The following VSX2 variants were observed in gnomAD, a reference collection of about 807,000 sequenced individuals.
VSX2 encodes visual system homeobox 2, also known as ceh-10 homeo domain containing homolog.
A neutral mutation model predicts 32.1 loss-of-function variants in VSX2; 28 were observed. The observed-to-expected ratio is 0.87, with a 90% CI of 0.65 to 1.20. The LOEUF (loss-of-function observed/expected upper bound fraction) is 1.20, where lower values mean the gene tolerates loss of function less well. VSX2 is among the 50% of genes most tolerant of loss of function. VSX2 has a pLI of 0.00. For synonymous variants in VSX2, 243 were observed against 214.1 expected, an observed-to-expected ratio of 1.14 and a Z score of -1.18; for missense variants, 506 against 488.7, an observed-to-expected ratio of 1.04 and a Z score of -0.33.
chr14:74,261,266 C>G lies in VSX2; in HGVS notation c.*347C>G. ...TCTTGCTTTAAAGAGTCCTCCTTCC[C>G]AGCTCTACATTCTGCTCTGCCCATG... is the stretch of plus-strand genomic sequence containing the variant. On this transcript the variant is annotated 3_prime_UTR_variant, in exon 5 of 5. Transcript: ENST00000261980. 3.1e-6 allele frequency: 1 copy of G among 323,820 alleles called. No homozygotes were observed. The highest frequency in any genetic ancestry group is 5.8e-6 in the Non-Finnish European group (1 of 171,964). 20.1% of individuals were successfully genotyped at this position (323,820 alleles called of 1,614,324 possible).
intron 3 of VSX2, among the ~76,000 whole-genome samples, chr14:74,248,145 A>T (rs2079204500): frequency 6.6e-6 from 1 of 151,934 alleles, no homozygotes; most frequent in Non-Finnish European, 1.5e-5. Flanking sequence ...CTCCTGAGCC[A>T]GCCCCCTCCC....
chr14:74,259,702 G>A lies in VSX2; in HGVS notation c.680G>A (p.Arg227Gln), dbSNP rs1198436631. 8.7e-6 allele frequency: 14 copies of A among 1,613,992 alleles called. 1 individual carries two copies. The highest frequency in any genetic ancestry group is 3.3e-4 in the Middle Eastern group (2 of 6,054). The change falls in exon 4 of 5, where the codon CGG becomes CAG. Residue 227 changes from arginine (R) to glutamine (Q), a missense_variant. Coordinates refer to ENST00000261980, the MANE Select transcript of VSX2 (RefSeq NM_182894.3). ...TATGGGCTCTACGGGGCCATGGTGC[G>A]GCACTCCATCCCCCTGCCCGAGTCC... ...AEYGLYGAMV[R>Q]HSIPLPESIL...
At position 74,251,262 on chromosome 14, in the gene VSX2, G is replaced by A. The variant is rs532520354; in HGVS notation, c.579+5974G>A. ...TTCAGGAGTTCAAAACCAGCCTGGC[G>A]AATATGGTGAAACCCCGTCTCTACT... On this transcript the variant is annotated intron_variant, in intron 3 of 4. Coordinates refer to ENST00000261980, the MANE Select transcript of VSX2 (RefSeq NM_182894.3). Among the ~76,000 whole-genome samples the A allele has an allele frequency of 3.3e-5, 5 of 152,040 alleles. No individual in the cohort carries two copies. In the South Asian group the frequency reaches 8.3e-4, roughly 25 times the overall value.
intron 3 of VSX2, among the ~76,000 whole-genome samples, chr14:74,247,722 C>G (rs1469269763): frequency 6.6e-6 from 1 of 151,238 alleles, no homozygotes; most frequent in Non-Finnish European, 1.5e-5. Context: ...GCTGGGGGAG[C>G]ATAGGTGATT....
At chr14:74,253,122 T>A (rs1322801836) in intron 3 of VSX2, among the ~76,000 whole-genome samples, 2 of 151,944 alleles carry the variant, frequency 1.3e-5, no homozygotes, top group Admixed American at 6.5e-5. Context: ...CAACTCACTT[T>A]GTCCTGGGAC....
chr14:74,246,659 C>T (rs904760682), intron 3 of VSX2, among the ~76,000 whole-genome samples: 5 of 152,158 alleles, frequency 3.3e-5, no homozygotes, highest in African/African-American at 7.2e-5. Context: ...CGGCAGTAAC[C>T]CCTGCCTGGC....
At chr14:74,247,128 A>G (rs1189761602) in intron 3 of VSX2, among the ~76,000 whole-genome samples, 1 of 152,102 alleles carries the variant, frequency 6.6e-6, no homozygotes, top group East Asian at 1.9e-4. Context: ...TGAGCACCAC[A>G]TGCCTGAATG....
At position 74,247,855 on chromosome 14, in the gene VSX2, G is replaced by A. The variant is rs76788560; in HGVS notation, c.579+2567G>A. Among the ~76,000 whole-genome samples, 809 of 151,618 alleles carry A rather than the reference G, an allele frequency of 5.3e-3. 10 individuals are homozygous for A. The highest frequency in any genetic ancestry group is 0.018 in the African/African-American group (763 of 41,396). On this transcript the variant is annotated intron_variant, in intron 3 of 4. Transcript: ENST00000261980. ...TATATAACAAAATTATTTTTGAATG[G>A]GCAAATTCTGTACATGAATTCAAGA...
At chr14:74,242,705 G>A (rs1179855222) in intron 2 of VSX2, among the ~76,000 whole-genome samples, 1 of 151,680 alleles carries the variant, frequency 6.6e-6, no homozygotes, top group African/African-American at 2.4e-5. Flanking sequence ...TCCCAGGGTG[G>A]GTAATCTTGT....
chr14:74,246,621 G>A (rs1052059090), intron 3 of VSX2, among the ~76,000 whole-genome samples: 3 of 152,228 alleles, frequency 2.0e-5, no homozygotes, highest in Non-Finnish European at 4.4e-5. Context: ...ACGTGTGTGC[G>A]TGTGTGTAAG....
chr14:74,247,240 T>C (rs892379213), intron 3 of VSX2, among the ~76,000 whole-genome samples: 1 of 152,138 alleles, frequency 6.6e-6, no homozygotes, highest in Non-Finnish European at 1.5e-5. Flanking sequence ...GTCACAGCGA[T>C]CGTTTCCAGA....
intron 3 of VSX2, among the ~76,000 whole-genome samples, chr14:74,256,994 G>C (rs1308762003): frequency 1.3e-5 from 2 of 151,970 alleles, no homozygotes; most frequent in African/African-American, 4.8e-5. Flanking sequence ...CTTTTATGTA[G>C]ATTAGTCCTT....
At position 74,259,707 on chromosome 14, in the gene VSX2, T is replaced by A. The variant is rs755012921; in HGVS notation, c.685T>A (p.Ser229Thr). The A allele has an allele frequency of 6.2e-7, 1 of 1,613,828 alleles. No homozygotes were observed. Among genetic ancestry groups the A allele is most frequent in the Admixed American group, 1.7e-5 (1 of 60,004 alleles). Reference protein sequence around the residue: ...YGLYGAMVRHSIPLPESILKS... With the variant: ...YGLYGAMVRHTIPLPESILKS... Reference sequence around the variant, plus strand: ...GCTCTACGGGGCCATGGTGCGGCACTCCATCCCCCTGCCCGAGTCCATCCT... The same window carrying A: ...GCTCTACGGGGCCATGGTGCGGCACACCATCCCCCTGCCCGAGTCCATCCT... Residue 229 changes from serine (S) to threonine (T), a missense_variant, in exon 4 of 5, where the codon TCC becomes ACC. Ser to Thr is a moderately conservative substitution (Grantham distance 58, BLOSUM62 1). Transcript: ENST00000261980.
chr14:74,252,919 G>A (rs1367767590), intron 3 of VSX2, among the ~76,000 whole-genome samples: 1 of 151,710 alleles, frequency 6.6e-6, no homozygotes, highest in South Asian at 2.1e-4. Context: ...CATGGTGGCG[G>A]GTGCCTGTAA....
At chr14:74,246,853 T>A (rs2079195233) in intron 3 of VSX2, among the ~76,000 whole-genome samples, 1 of 152,118 alleles carries the variant, frequency 6.6e-6, no homozygotes, top group African/African-American at 2.4e-5. Flanking sequence ...ATGAGGTGTT[T>A]GAAACCTGCT....
intron 3 of VSX2, among the ~76,000 whole-genome samples, chr14:74,257,569 C>T (rs980284251): frequency 6.6e-5 from 10 of 152,210 alleles, no homozygotes; most frequent in Non-Finnish European, 1.2e-4. Flanking sequence ...TGTTCTGTGA[C>T]CTCCGTGGGA....
intron 3 of VSX2, among the ~76,000 whole-genome samples, chr14:74,258,762 C>T (rs191558214): frequency 1.3e-5 from 2 of 152,238 alleles, no homozygotes; most frequent in African/African-American, 4.8e-5. Flanking sequence ...CTGCAGACAC[C>T]CCAGGGTACC....
intron 3 of VSX2, among the ~76,000 whole-genome samples, chr14:74,249,069 G>A (rs1405558568): frequency 6.6e-6 from 1 of 152,212 alleles, no homozygotes; most frequent in African/African-American, 2.4e-5. Flanking sequence ...CTGCGATGTA[G>A]ACGCGGAAAG....
At chr14:74,259,855 G>A (rs1451908337) in intron 4 of VSX2, 73 bp downstream of exon 4, 5 of 1,492,708 alleles carry the variant, frequency 3.3e-6, no homozygotes, top group South Asian at 1.3e-5. Context: ...AGGGGACAGA[G>A]CCTTGAGGCA....
Sources: allele counts gnomAD v4.1 joint callset (sites outside exome capture counted in the v4.1 genomes callset), GRCh38; gene constraint gnomAD v4.1.1; transcripts MANE v1.5; gene names NCBI Gene and HGNC (gene_info 2026-07-23, HGNC 2026-07-21).